NRG1: variants seen among roughly 807,000 people sequenced by gnomAD.
The protein encoded by NRG1 is pro-neuregulin-1, membrane-bound isoform.
Under a neutral mutation model 63.8 loss-of-function variants are expected in NRG1, and 18 were observed. The observed-to-expected ratio is 0.28, with a 90% confidence interval of 0.19 to 0.42. The LOEUF is 0.42. Ranked by LOEUF, NRG1 falls within the 10% of genes least tolerant of loss-of-function variation. The pLI is 1.00. For synonymous variants in NRG1, 302 were observed against 301.3 expected (o/e 1.00, Z -0.02); for missense variants, 762 against 814.7 (o/e 0.94, Z 0.79).
rs1487083783 is a variant in NRG1, at chr8:32,496,532, G to T, written c.38-99296G>T. 3.3e-5 allele frequency among the ~76,000 whole-genome samples: 5 copies of T among 152,158 alleles called. No individual in the cohort carries two copies. In the East Asian group the frequency reaches 9.6e-4, roughly 29 times the overall value. On this transcript the variant is annotated intron_variant, in intron 1 of 10. Coordinates refer to the NRG1 transcript ENST00000519301. Reference sequence around the variant, plus strand: ...TTAAGCCCAGGATGTCAAGATTGCGGTGAGCTATGATTGAGCCACTGCACT... The same window carrying T: ...TTAAGCCCAGGATGTCAAGATTGCGTTGAGCTATGATTGAGCCACTGCACT...
At chr8:31,768,054 A>T (rs939833976) in intron 1 of NRG1, among the ~76,000 whole-genome samples, 1 of 152,112 alleles carries the variant, frequency 6.6e-6, no homozygotes, top group Non-Finnish European at 1.5e-5. Flanking sequence ...GCAGGGCTGG[A>T]GTATCTTCTT....
intron 1 of NRG1, among the ~76,000 whole-genome samples, chr8:32,510,591 TAGA>T (rs1194330702): frequency 6.6e-6 from 1 of 151,008 alleles, no homozygotes; most frequent in East Asian, 2.0e-4. Context: ...TTTGGAGGAG[TAGA>T]AGGTGAGGAA....
intron 1 of NRG1, among the ~76,000 whole-genome samples, chr8:31,859,057 T>C (rs148095442): frequency 5.9e-5 from 9 of 152,312 alleles, no homozygotes; most frequent in Middle Eastern, 3.4e-3. Context: ...AAAGTGTTGA[T>C]TGTAACGGTT....
chr8:31,764,960 A>G (rs1422196379), intron 1 of NRG1, among the ~76,000 whole-genome samples: 1 of 141,064 alleles, frequency 7.1e-6, no homozygotes, highest in Non-Finnish European at 1.5e-5. Flanking sequence ...TCATTGTTCA[A>G]TTCCCACCTA....
intron 1 of NRG1, among the ~76,000 whole-genome samples, chr8:32,325,646 T>G (rs1801907959): frequency 6.6e-6 from 1 of 152,170 alleles, no homozygotes; most frequent in Admixed American, 6.5e-5. Flanking sequence ...CCCAAAGTGC[T>G]GGGAATATAG....
At chr8:32,105,267 C>T (rs1191061356) in intron 1 of NRG1, among the ~76,000 whole-genome samples, 2 of 152,138 alleles carry the variant, frequency 1.3e-5, no homozygotes, top group Non-Finnish European at 2.9e-5. Flanking sequence ...TTTCACGCTG[C>T]TGATAAAGAT....
intron 1 of NRG1, among the ~76,000 whole-genome samples, chr8:32,023,793 A>G (rs189592139): frequency 6.6e-6 from 1 of 151,886 alleles, no homozygotes; most frequent in East Asian, 2.0e-4. Context: ...TCATTTAATT[A>G]CGATCAAATA....
intron 1 of NRG1, among the ~76,000 whole-genome samples, chr8:31,852,682 C>T (rs1357457478): frequency 2.0e-5 from 3 of 151,964 alleles, no homozygotes; most frequent in Admixed American, 6.6e-5. Context: ...GAAGTCCTTG[C>T]CCATGCCTAT....
intron 1 of NRG1, among the ~76,000 whole-genome samples, chr8:31,941,594 C>A (rs1207260952): frequency 2.0e-5 from 3 of 152,026 alleles, no homozygotes; most frequent in Admixed American, 2.0e-4. Flanking sequence ...GTAAAGAAGA[C>A]ATCAAATTGT....
intron 1 of NRG1, among the ~76,000 whole-genome samples, chr8:32,587,525 G>T (rs1330426205): frequency 3.9e-5 from 6 of 152,188 alleles, no homozygotes; most frequent in Non-Finnish European, 8.8e-5. Flanking sequence ...TAGCCCAGTG[G>T]CATGCAGAAC....
intron 1 of NRG1, among the ~76,000 whole-genome samples, chr8:32,341,027 A>T (rs1804006335): frequency 6.6e-6 from 1 of 152,200 alleles, no homozygotes; most frequent in South Asian, 2.1e-4. Flanking sequence ...TACGTGAGAG[A>T]TGTATTGTTA....
chr8:32,040,372 A>G (rs1247353997), intron 1 of NRG1, among the ~76,000 whole-genome samples: 1 of 152,156 alleles, frequency 6.6e-6, no homozygotes, highest in Non-Finnish European at 1.5e-5. Flanking sequence ...AAGTCAAAGC[A>G]CATTATTGTG....
chr8:32,283,854 G>T (rs554233053), intron 1 of NRG1, among the ~76,000 whole-genome samples: 7 of 152,232 alleles, frequency 4.6e-5, no homozygotes, highest in Non-Finnish European at 8.8e-5. Context: ...TGTTGATGAT[G>T]CATCCACCAG....
chr8:32,330,960 GT>G (rs1802570338), intron 1 of NRG1, among the ~76,000 whole-genome samples: 1 of 151,824 alleles, frequency 6.6e-6, no homozygotes, highest in Non-Finnish European at 1.5e-5. Flanking sequence ...TGTTTGTTTT[GT>G]TTTGTTTTCC....
chr8:32,195,438 CAAAA>C (rs34604354), intron 1 of NRG1, among the ~76,000 whole-genome samples: 1 of 137,668 alleles, frequency 7.3e-6, no homozygotes, highest in Non-Finnish European at 1.6e-5. Flanking sequence ...GACCCTGTCT[CAAAA>C]AAAAAAAAAA....
At position 31,716,253 on chromosome 8, in the gene NRG1, G is replaced by T. The variant is rs577383661; in HGVS notation, c.37+76822G>T. ...CCTTGGGTTGTTGTTATTATTGTTT[G>T]TTTTTTGTATTTTGTTTAGTTTCTA... On this transcript the variant is annotated intron_variant, in intron 1 of 10. Transcript: ENST00000519301. 1.1e-4 allele frequency among the ~76,000 whole-genome samples: 16 copies of T among 152,212 alleles called. No homozygotes were observed. In the East Asian group the frequency reaches 3.1e-3, roughly 29 times the overall value.
In NRG1 at chr8:31,640,387, G is replaced by C; in HGVS notation, c.37+956G>C. On this transcript the variant is annotated intron_variant, in intron 1 of 10. Transcript: ENST00000519301. The surrounding 1 kb of genome is among the most constrained non-coding windows in gnomAD (Gnocchi z 6.3). Reference sequence around the variant, plus strand: ...GCCGCCCGCCGAGGAGCCGCTGCTCGCCGCCAACGGGACCGTGCCCTCTTG... The same window carrying C: ...GCCGCCCGCCGAGGAGCCGCTGCTCCCCGCCAACGGGACCGTGCCCTCTTG... 1 of 1,306,230 alleles carries C rather than the reference G, an allele frequency of 7.7e-7. No homozygotes were observed. Among genetic ancestry groups the C allele is most frequent in the Non-Finnish European group, 9.8e-7 (1 of 1,023,742 alleles). 80.9% of individuals were successfully genotyped at this position (1,306,230 alleles called of 1,614,324 possible).
chr8:32,432,499 G>GGTTTTT (rs1245056523), intron 1 of NRG1, among the ~76,000 whole-genome samples: 3 of 151,836 alleles, frequency 2.0e-5, no homozygotes, highest in Non-Finnish European at 4.4e-5. Flanking sequence ...TTATCACACC[G>GGTTTTT]GTTTTTGTTT....
chr8:32,240,109 A>G (rs1270123244), intron 1 of NRG1, among the ~76,000 whole-genome samples: 2 of 152,208 alleles, frequency 1.3e-5, no homozygotes, highest in Non-Finnish European at 2.9e-5. Context: ...ATGAATATTA[A>G]TAGCTGTTTT....
Sources: allele counts gnomAD v4.1 joint callset (sites outside exome capture counted in the v4.1 genomes callset), GRCh38; gene constraint gnomAD v4.1.1; non-coding constraint Gnocchi (gnomAD v3.1); transcripts MANE v1.5; gene names NCBI Gene and HGNC (gene_info 2026-07-23, HGNC 2026-07-21).